The following NFATC4 variants were observed in gnomAD, a reference collection of about 807,000 sequenced individuals.
NFATC4 encodes nuclear factor of activated T cells 4.
Under a neutral mutation model 73.4 loss-of-function variants are expected in NFATC4, and 25 were observed. The observed-to-expected ratio is 0.34, with a 90% confidence interval of 0.25 to 0.48. NFATC4 has a LOEUF of 0.48. Ranked by LOEUF, NFATC4 falls within the 20% of genes least tolerant of loss-of-function variation. The pLI is 0.99. For missense variants in NFATC4, 1,130 were observed against 1,203.7 expected (o/e 0.94, Z 0.91); for synonymous variants, 523 against 510.3 (o/e 1.02, Z -0.34).
chr14:24,370,301 C>T lies in NFATC4; in HGVS notation c.903C>T (p.Pro301=), dbSNP rs758804078. The T allele has an allele frequency of 1.9e-6, 3 of 1,611,352 alleles. No homozygotes were observed. Among genetic ancestry groups the T allele is most frequent in the Non-Finnish European group, 2.5e-6 (3 of 1,178,192 alleles). ...AGGGGTCTGAGCCACCTCCACCACC[C>T]CCATTGCCTCTGGCCCGGGACCCGG... is the stretch of plus-strand genomic sequence containing the variant. ...GEEGSEPPPP[P]PLPLARDPGS... Residue 301 remains proline (P), a synonymous_variant, in exon 2 of 10, where the codon CCC becomes CCT. Transcript: ENST00000250373.
intron 2 of NFATC4, chr14:24,371,970 T>C (rs1303171502): frequency 6.4e-6 from 1 of 156,228 alleles, no homozygotes; most frequent in Non-Finnish European, 1.4e-5. Flanking sequence ...AGTGCTGGGA[T>C]TATAGGTGTG....
At chr14:24,375,830 A>G in intron 7 of NFATC4, 115 bp downstream of exon 7, 1 of 1,538,678 alleles carries the variant, frequency 6.5e-7, no homozygotes, top group Non-Finnish European at 9.0e-7. Context: ...GAGACTGGCC[A>G]TTCTGTAAGC....
chr14:24,372,788 C>A, intron 3 of NFATC4, 185 bp downstream of exon 3: 1 of 691,958 alleles, frequency 1.4e-6, no homozygotes, highest in Non-Finnish European at 2.4e-6. Flanking sequence ...TACTCCTGTC[C>A]TTCCACCCCC....
chr14:24,367,368 A>AGACT (rs2042335439), upstream of NFATC4: 2 of 1,536,026 alleles, frequency 1.3e-6, no homozygotes, highest in South Asian at 2.4e-5. Context: ...GATTCATTCC[A>AGACT]GACTACAGTT....
At position 24,375,931 on chromosome 14, in the gene NFATC4, C is replaced by T. The variant is rs1189789102; in HGVS notation, c.1930-44C>T. 3 of 1,612,568 alleles carry T rather than the reference C, an allele frequency of 1.9e-6. No individual in the cohort carries two copies. The African/African-American group carries it at 4.0e-5, about 22-fold the overall frequency. On this transcript the variant is annotated intron_variant, in intron 7 of 9. Coordinates refer to ENST00000250373, the MANE Select transcript of NFATC4 (RefSeq NM_004554.5). ...GGCCCCTGGAAAGGCTGGGCTAAGC[C>T]CAGATGCCCGAGGGCTCCCTGCCTC...
At chr14:24,375,889 C>A in intron 7 of NFATC4, 86 bp from the exon 8 acceptor site, 1 of 1,586,232 alleles carries the variant, frequency 6.3e-7, no homozygotes, top group Non-Finnish European at 8.6e-7. Context: ...ATGGAGAAGG[C>A]TAGGAGGTGG....
chr14:24,366,929 G>A (rs974917299), upstream of NFATC4: 2 of 1,531,836 alleles, frequency 1.3e-6, no homozygotes, highest in Non-Finnish European at 1.8e-6. Flanking sequence ...CTGACCTGGG[G>A]CCGTCGCTTA....
In NFATC4 at chr14:24,373,070, C is replaced by A; in HGVS notation, c.1360-101C>A. ...GATTCCCTTGCAGGATATCCTTTATCTTTCACCATTCCCATCCCATGGTAG... is the reference window on the plus strand; with the variant it reads ...GATTCCCTTGCAGGATATCCTTTATATTTCACCATTCCCATCCCATGGTAG... On this transcript the variant is annotated intron_variant, in intron 3 of 9. Coordinates refer to ENST00000250373, the MANE Select transcript of NFATC4 (RefSeq NM_004554.5). The surrounding 1 kb of genome is among the most constrained non-coding windows in gnomAD (Gnocchi z 4.7). The A allele has an allele frequency of 8.3e-7, 1 of 1,205,588 alleles. No homozygotes were observed. Among genetic ancestry groups the A allele is most frequent in the Non-Finnish European group, 1.2e-6 (1 of 851,908 alleles). The allele number at this position is 1,205,588 out of a possible 1,614,324, so 74.7% of individuals were successfully genotyped here. A position where few individuals can be genotyped will look rare whatever the true frequency, so the allele number is the denominator to read the frequency against.
chr14:24,373,171 C>A lies in NFATC4; in HGVS notation c.1360C>A (p.Leu454Ile). 2 of 1,613,918 alleles carry A rather than the reference C, an allele frequency of 1.2e-6. No individual in the cohort carries two copies. The highest frequency in any genetic ancestry group is 1.7e-6 in the Non-Finnish European group (2 of 1,179,830). Residue 454 changes from leucine to isoleucine, a missense_variant and splice_region_variant, in exon 4 of 10, where the codon CTC (leucine) becomes ATC (isoleucine). Physicochemically the swap from Leu to Ile is conservative, Grantham distance 5 (BLOSUM62 2). Around this residue, in one of 3 missense-constraint regions of NFATC4, gnomAD observed 155 missense variants for 221.2 expected, o/e 0.70. Transcript: ENST00000250373. This position sits in a 1 kb window ranked among gnomAD's most constrained non-coding sequence, Gnocchi z 4.7. ...AAPGGHPVVK[L>I]LGYSEKPLTL... is the part of the protein sequence containing the mutation. ...GGTGGCCGCTCTCTCCCTCTGCCAGCTCCTAGGCTACAGTGAGAAGCCACT... is the reference window on the plus strand; with the variant it reads ...GGTGGCCGCTCTCTCCCTCTGCCAGATCCTAGGCTACAGTGAGAAGCCACT...
Position 24,369,666 on chromosome 14 carries a change from G to A in NFATC4, c.268G>A (p.Ala90Thr), listed in dbSNP as rs375847212. ...PSPGTWESQPARSVRLGGPGG... is the reference protein window; with the variant it reads ...PSPGTWESQPTRSVRLGGPGG... ...ACCTGGCACCTGGGAGAGCCAGCCC[G>A]CCAGGTCGGTGAGGCTGGGAGGACC... Residue 90 changes from alanine to threonine, a missense_variant, in exon 2 of 10, where the codon GCC (alanine) becomes ACC (threonine). Coordinates refer to ENST00000250373, the MANE Select transcript of NFATC4 (RefSeq NM_004554.5). The A allele has an allele frequency of 2.0e-5, 33 of 1,612,664 alleles. No homozygotes were observed. The highest frequency in any genetic ancestry group is 1.5e-4 in the African/African-American group (11 of 74,906).
chr14:24,369,837 C>G lies in NFATC4; in HGVS notation c.439C>G (p.Pro147Ala), dbSNP rs778656702. The change falls in exon 2 of 10, where the codon CCC (proline) becomes GCC (alanine). Residue 147 changes from proline (P) to alanine (A), a missense_variant. Pro to Ala is a conservative substitution (Grantham distance 27, BLOSUM62 -1). Around this residue, in one of 3 missense-constraint regions of NFATC4, gnomAD observed 585 missense variants for 574.3 expected, o/e 1.02. Coordinates refer to ENST00000250373, the MANE Select transcript of NFATC4 (RefSeq NM_004554.5). ...GGGGGACGGCTCTCCTAGAGATTAC[C>G]CCCCACCAGAAGGCTTTGGGGGCTA... ...AWGDGSPRDY[P>A]PPEGFGGYRE... 1.2e-6 allele frequency: 2 copies of G among 1,605,680 alleles called. No homozygotes were observed. The highest frequency in any genetic ancestry group is 4.5e-5 in the East Asian group (2 of 44,626).
rs1235321580 is a variant in NFATC4 at position 24,372,615 on chromosome 14, A to G, written c.1359+12A>G. The G allele has an allele frequency of 2.5e-6, 4 of 1,613,718 alleles. No individual in the cohort carries two copies. The highest frequency in any genetic ancestry group is 2.2e-5 in the East Asian group (1 of 44,898). Reference sequence around the variant, plus strand: ...ACCCCGTAGTCAAGGTAAAGGACAGACAGCAGGCCTGATATCCTCTCTCCT... The same window carrying G: ...ACCCCGTAGTCAAGGTAAAGGACAGGCAGCAGGCCTGATATCCTCTCTCCT... On this transcript the variant is annotated intron_variant, in intron 3 of 9. Transcript: ENST00000250373.
intron 6 of NFATC4, 111 bp from the exon 7 acceptor site, chr14:24,375,549 A>C: frequency 9.1e-7 from 1 of 1,098,796 alleles, no homozygotes; most frequent in Non-Finnish European, 1.3e-6. Flanking sequence ...CAGACCTTCT[A>C]GGGCCTTCTG....
intron 6 of NFATC4, 128 bp downstream of exon 6, chr14:24,374,594 A>C (rs967174481): frequency 3.5e-6 from 3 of 863,094 alleles, no homozygotes; most frequent in Non-Finnish European, 5.3e-6. Context: ...TGGGACAGAC[A>C]GACTACCCTT....
chr14:24,377,807 C>G lies in NFATC4; in HGVS notation c.*102C>G, dbSNP rs1393058196. On this transcript the variant is annotated 3_prime_UTR_variant, in exon 10 of 10. Coordinates refer to ENST00000250373, the MANE Select transcript of NFATC4 (RefSeq NM_004554.5). This position sits in a 1 kb window ranked among gnomAD's most constrained non-coding sequence, Gnocchi z 4.2. ...TGGCTACAGAAGCTTGGGGCCAACC[C>G]TGGCTCCTCTTTCCCCAGCTTCTGT... 3 of 1,586,670 alleles carry G rather than the reference C, an allele frequency of 1.9e-6. No homozygotes were observed. The highest frequency in any genetic ancestry group is 2.6e-6 in the Non-Finnish European group (3 of 1,165,188).
rs1271844640 is a variant in NFATC4, at chr14:24,370,265, C to T, written c.867C>T (p.Ser289=). The T allele has an allele frequency of 4.3e-6, 7 of 1,612,700 alleles. No individual in the cohort carries two copies. The South Asian group carries it at 5.5e-5, about 13-fold the overall frequency. The change falls in exon 2 of 10, where the codon AGC becomes AGT. Residue 289 remains serine (S), a synonymous_variant. Coordinates refer to ENST00000250373, the MANE Select transcript of NFATC4 (RefSeq NM_004554.5). ...CCCCAGCTCTGTCCCGCCGTGGCAG[C>T]CTGGGGGAAGAGGGGTCTGAGCCAC... is the stretch of plus-strand genomic sequence containing the variant. ...SASPALSRRG[S]LGEEGSEPPP...
chr14:24,374,118 C>T, intron 5 of NFATC4: 1 of 887,422 alleles, frequency 1.1e-6, no homozygotes. Flanking sequence ...ACTCCCTGGT[C>T]TACCCTGTTT....
rs927063372 is a variant in NFATC4 at position 24,373,493 on chromosome 14, C to T, written c.1559+123C>T. The T allele has an allele frequency of 8.0e-6, 11 of 1,374,962 alleles. No homozygotes were observed. Among genetic ancestry groups the T allele is most frequent in the Admixed American group, 4.3e-5 (2 of 46,812 alleles). The allele number at this position is 1,374,962 out of a possible 1,614,324, so 85.2% of individuals were successfully genotyped here. ...AGACATTTTTCCTAGGAGCTGGCTT[C>T]AGGCCTACCCACCATCTGGAAGAGG... On this transcript the variant is annotated intron_variant, in intron 4 of 9. Coordinates refer to ENST00000250373, the MANE Select transcript of NFATC4 (RefSeq NM_004554.5). The surrounding 1 kb of genome is among the most constrained non-coding windows in gnomAD (Gnocchi z 4.7).
chr14:24,372,105 T>G (rs995560119), intron 2 of NFATC4: 1 of 243,526 alleles, frequency 4.1e-6, no homozygotes, highest in Admixed American at 5.4e-5. Flanking sequence ...GGCTTGAGAA[T>G]CCTCTGTATC....
Sources: gnomAD v4.1 joint callset for allele counts on GRCh38, gnomAD v4.1.1 for gene constraint, gnomAD v4.1.1 regional missense constraint, Gnocchi (gnomAD v3.1) non-coding constraint, MANE v1.5 for transcripts, NCBI Gene and HGNC (gene_info 2026-07-23, HGNC 2026-07-21) for gene names.